Variants in MTSS1 observed in about 807,000 individuals in gnomAD.
The protein encoded by MTSS1 is protein MTSS 1.
A neutral mutation model predicts 79.0 loss-of-function variants in MTSS1; 18 were observed. The ratio of observed to expected loss-of-function variants is 0.23; its 90% confidence interval spans 0.16 to 0.34. The LOEUF (loss-of-function observed/expected upper bound fraction) is 0.34, where lower values mean the gene tolerates loss of function less well. Among genes scored for constraint, MTSS1 ranks in the 10% least tolerant of loss-of-function variants. The pLI is 1.00. For synonymous variants in MTSS1, 341 were observed against 368.6 expected, an observed-to-expected ratio of 0.93 and a Z score of 0.86; for missense variants, 815 against 986.2, an observed-to-expected ratio of 0.83 and a Z score of 2.33.
chr8:124,632,527 GATTTTGCTATA>G (rs1195897250), intron 3 of MTSS1, among the ~76,000 whole-genome samples: 1 of 152,026 alleles, frequency 6.6e-6, no homozygotes, highest in Non-Finnish European at 1.5e-5. Context: ...TTTAAAGATA[GATTTTGCTATA>G]ACCTGGAAAT....
intron 3 of MTSS1, among the ~76,000 whole-genome samples, chr8:124,616,172 T>C (rs1407477072): frequency 6.6e-6 from 1 of 152,200 alleles, no homozygotes; most frequent in African/African-American, 2.4e-5. Flanking sequence ...TCTGCTGTGA[T>C]GTCAGAAGAG....
At chr8:124,633,484 C>T (rs80275640) in intron 3 of MTSS1, among the ~76,000 whole-genome samples, 4,260 of 152,112 alleles carry the variant, frequency 0.028, 172 homozygotes, top group African/African-American at 0.097. Context: ...GAAAACCTAT[C>T]ATAGGCCGGG....
chr8:124,660,632 C>G (rs1445080458), intron 3 of MTSS1, among the ~76,000 whole-genome samples: 2 of 152,184 alleles, frequency 1.3e-5, no homozygotes, highest in Non-Finnish European at 2.9e-5. Flanking sequence ...ATGCCTCCCA[C>G]TACACACCAA....
intron 1 of MTSS1, among the ~76,000 whole-genome samples, chr8:124,724,061 C>G (rs960399229): frequency 6.6e-5 from 10 of 152,110 alleles, no homozygotes; most frequent in African/African-American, 2.4e-4. Flanking sequence ...TAGCAAAAGG[C>G]CTTCTACACA....
At chr8:124,695,437 G>T (rs897391179) in intron 3 of MTSS1, among the ~76,000 whole-genome samples, 2 of 152,104 alleles carry the variant, frequency 1.3e-5, no homozygotes, top group South Asian at 4.1e-4. Context: ...TTAGAGTCAC[G>T]GCCTACACCA....
chr8:124,667,193 G>A (rs1336128082), intron 3 of MTSS1, among the ~76,000 whole-genome samples: 1 of 152,188 alleles, frequency 6.6e-6, no homozygotes, highest in Non-Finnish European at 1.5e-5. Context: ...TCTCCCCAGA[G>A]GATGCAGAGC....
intron 3 of MTSS1, among the ~76,000 whole-genome samples, chr8:124,629,858 A>G (rs1815561543): frequency 6.6e-6 from 1 of 152,214 alleles, no homozygotes; most frequent in African/African-American, 2.4e-5. Flanking sequence ...ACCAGTCTTT[A>G]TCATTTTAAC....
chr8:124,592,912 C>G (rs892450225), intron 3 of MTSS1, among the ~76,000 whole-genome samples: 40 of 152,194 alleles, frequency 2.6e-4, no homozygotes, highest in African/African-American at 9.4e-4. Flanking sequence ...TCCAAAATGT[C>G]TCCAGAGAGT....
chr8:124,612,077 C>A (rs1374164301), intron 3 of MTSS1, among the ~76,000 whole-genome samples: 1 of 152,202 alleles, frequency 6.6e-6, no homozygotes, highest in Non-Finnish European at 1.5e-5. Flanking sequence ...ACTTAATTAG[C>A]AAACTTTAAA....
At chr8:124,695,335 T>TTAA (rs1554722954) in intron 3 of MTSS1, among the ~76,000 whole-genome samples, 3 of 144,730 alleles carry the variant, frequency 2.1e-5, no homozygotes, top group African/African-American at 5.0e-5. Context: ...TCAAGAGGGA[T>TTAA]AAAAAAAAAA....
intron 6 of MTSS1, among the ~76,000 whole-genome samples, chr8:124,570,426 C>T (rs552563165): frequency 1.3e-5 from 2 of 152,202 alleles, no homozygotes; most frequent in South Asian, 2.1e-4. Flanking sequence ...TGGTAAAATA[C>T]GGTATTTTGA....
chr8:124,580,340 C>A (rs1027702105), intron 6 of MTSS1: 3 of 549,316 alleles, frequency 5.5e-6, no homozygotes, highest in Non-Finnish European at 6.5e-6. Context: ...GTGCTAACAT[C>A]GTAAATGGCT....
In MTSS1 at chr8:124,683,018, CT is replaced by C. The variant is rs957864944; in HGVS notation, c.208+16507del. ...AGCCCTTCCTTCCCCAGTCTATGACCTTTTCAGACCATCTTGGTTCCTCTCC... is the reference window on the plus strand; with the variant it reads ...AGCCCTTCCTTCCCCAGTCTATGACCTTTCAGACCATCTTGGTTCCTCTCC... On this transcript the variant is annotated intron_variant, in intron 3 of 13. Transcript: ENST00000518547. This position sits in a 1 kb window ranked among gnomAD's most constrained non-coding sequence, Gnocchi z 4.5. Among the ~76,000 whole-genome samples the C allele has an allele frequency of 1.3e-5, 2 of 152,140 alleles. No homozygotes were observed. Among genetic ancestry groups the C allele is most frequent in the Non-Finnish European group, 2.9e-5 (2 of 68,020 alleles).
At chr8:124,723,824 G>A (rs539596605) in intron 1 of MTSS1, among the ~76,000 whole-genome samples, 42 of 152,290 alleles carry the variant, frequency 2.8e-4, no homozygotes, top group South Asian at 1.9e-3. Context: ...GGCTGTCACC[G>A]TTTATAGGGA....
At chr8:124,558,109 G>A (rs1214222569) in intron 10 of MTSS1, 12 of 432,490 alleles carry the variant, frequency 2.8e-5, no homozygotes, top group Admixed American at 1.6e-4. Flanking sequence ...TTTGACCTAC[G>A]TTTTAGAAGT....
intron 3 of MTSS1, among the ~76,000 whole-genome samples, chr8:124,653,948 C>T (rs17374540): frequency 0.073 from 11,049 of 152,226 alleles, 430 homozygotes; most frequent in Middle Eastern, 0.095. Context: ...CATCAGGAAG[C>T]GGTTAGACAT....
At chr8:124,559,479 T>A (rs910033763) in intron 10 of MTSS1, among the ~76,000 whole-genome samples, 1 of 152,304 alleles carries the variant, frequency 6.6e-6, no homozygotes, top group Non-Finnish European at 1.5e-5. Context: ...AGCCCTCTGG[T>A]CAGCACAATG....
intron 3 of MTSS1, among the ~76,000 whole-genome samples, chr8:124,643,962 T>C (rs1481252759): frequency 2.0e-5 from 3 of 152,010 alleles, no homozygotes; most frequent in Non-Finnish European, 4.4e-5. Flanking sequence ...AGTTTGTGGG[T>C]GTGGGTATGT....
At chr8:124,587,669 G>C (rs571975192) in intron 5 of MTSS1, among the ~76,000 whole-genome samples, 1 of 151,814 alleles carries the variant, frequency 6.6e-6, no homozygotes, top group African/African-American at 2.4e-5. Flanking sequence ...CAGCTAATTG[G>C]TTTTTTTGTA....
Sources: allele counts gnomAD v4.1 joint callset (sites outside exome capture counted in the v4.1 genomes callset), GRCh38; gene constraint gnomAD v4.1.1; non-coding constraint Gnocchi (gnomAD v3.1); transcripts MANE v1.5; gene names NCBI Gene and HGNC (gene_info 2026-07-23, HGNC 2026-07-21).